Variants in LDLRAD4 observed in about 807,000 individuals in gnomAD.
LDLRAD4 encodes low density lipoprotein receptor class A domain containing 4, also known as low-density lipoprotein receptor class A domain-containing protein 4.
Under a neutral mutation model 17.0 loss-of-function variants are expected in LDLRAD4, and 5 were observed. The observed-to-expected ratio is 0.29, with a 90% CI of 0.15 to 0.62. LDLRAD4 has a LOEUF of 0.62. LDLRAD4 is among the 20% of genes least tolerant of loss of function. The probability of loss-of-function intolerance (pLI) is 0.84; values close to 1 mark genes in which losing one functional copy is unlikely to be tolerated. For synonymous variants in LDLRAD4, 168 were observed against 171.8 expected (o/e 0.98, Z 0.17); for missense variants, 340 against 424.7 (o/e 0.80, Z 1.75).
chr18:13,442,654 C>T (rs2091105830), intron 3 of LDLRAD4, among the ~76,000 whole-genome samples: 1 of 152,232 alleles, frequency 6.6e-6, no homozygotes, highest in Non-Finnish European at 1.5e-5. Flanking sequence ...CTTGGTGGAC[C>T]TGCCACCTCA....
chr18:13,315,783 T>TAAAA (rs78099800), intron 1 of LDLRAD4, among the ~76,000 whole-genome samples: 3 of 85,900 alleles, frequency 3.5e-5, no homozygotes, highest in African/African-American at 1.2e-4. Context: ...AAACTCCGTC[T>TAAAA]AAAAAAAAAA....
intron 1 of LDLRAD4, among the ~76,000 whole-genome samples, chr18:13,262,046 A>G (rs1250864026): frequency 9.2e-5 from 10 of 109,114 alleles, no homozygotes; most frequent in South Asian, 3.1e-4. Flanking sequence ...GTGCATGGAA[A>G]CTGAGTCCCG....
intron 1 of LDLRAD4, among the ~76,000 whole-genome samples, chr18:13,324,008 T>C (rs1301574251): frequency 6.6e-6 from 1 of 151,680 alleles, no homozygotes; most frequent in South Asian, 2.1e-4. Flanking sequence ...GAGGTTGCAG[T>C]GAGCCAAGAT....
intron 1 of LDLRAD4, among the ~76,000 whole-genome samples, chr18:13,370,689 G>A (rs2084398824): frequency 7.6e-6 from 1 of 131,238 alleles, no homozygotes; most frequent in African/African-American, 2.8e-5. Flanking sequence ...TGTAGGCAGT[G>A]TCTCTTTCAT....
intron 3 of LDLRAD4, among the ~76,000 whole-genome samples, chr18:13,556,037 A>G (rs986185966): frequency 1.3e-4 from 20 of 152,196 alleles, no homozygotes; most frequent in African/African-American, 4.8e-4. Context: ...TTCCTGCCCA[A>G]ACTACTCGGA....
chr18:13,348,241 T>G (rs1487998031), intron 1 of LDLRAD4, among the ~76,000 whole-genome samples: 3 of 152,170 alleles, frequency 2.0e-5, no homozygotes, highest in Non-Finnish European at 2.9e-5. Flanking sequence ...GACATACAAA[T>G]GGGGTTTTGG....
intron 3 of LDLRAD4, chr18:13,526,445 G>T (rs548861050): frequency 6.6e-6 from 1 of 152,192 alleles, no homozygotes; most frequent in Non-Finnish European, 1.5e-5. Context: ...CAAAAACAAA[G>T]CCAGAAGTAT....
intron 3 of LDLRAD4, among the ~76,000 whole-genome samples, chr18:13,495,396 A>C (rs191238650): frequency 6.6e-6 from 1 of 152,196 alleles, no homozygotes; most frequent in Non-Finnish European, 1.5e-5. Flanking sequence ...TTGTAAATGT[A>C]TCTCGTCTGT....
At chr18:13,626,573 G>A (rs1568426151) in intron 4 of LDLRAD4, among the ~76,000 whole-genome samples, 1 of 152,216 alleles carries the variant, frequency 6.6e-6, no homozygotes. Flanking sequence ...CAGCCATTTT[G>A]ACCTATAGAA....
intron 1 of LDLRAD4, among the ~76,000 whole-genome samples, chr18:13,287,614 C>A (rs1236053758): frequency 5.3e-5 from 8 of 152,196 alleles, no homozygotes; most frequent in African/African-American, 1.9e-4. Flanking sequence ...CCACTGTCTG[C>A]CCTCAGGTTA....
At chr18:13,558,914 C>CA (rs34714508) in intron 3 of LDLRAD4, among the ~76,000 whole-genome samples, 150,014 of 151,006 alleles carry the variant, frequency 0.99, 74,526 homozygotes, top group Middle Eastern at 1. Flanking sequence ...AGCAAGTCAT[C>CA]GGGGGCCACC....
intron 2 of LDLRAD4, among the ~76,000 whole-genome samples, chr18:13,433,404 CA>C: frequency 6.6e-6 from 1 of 152,200 alleles, no homozygotes; most frequent in Non-Finnish European, 1.5e-5. Flanking sequence ...TGCCAATTCA[CA>C]AAAAAGGCTG....
rs1418901683 is a variant in LDLRAD4 at position 13,300,994 on chromosome 18, G to A, written c.-383+22806G>A. The stretch of plus-strand genomic sequence containing the variant: ...CGCCCTGAGGAGCATGTGTGTCTCC[G>A]CACTATGCCCTCAGCGGCCGCTGGA... On this transcript the variant is annotated intron_variant, in intron 1 of 5. Coordinates refer to ENST00000359446, the Ensembl canonical transcript of LDLRAD4. The surrounding 1 kb of genome is among the most constrained non-coding windows in gnomAD (Gnocchi z 4.2). 6.6e-6 allele frequency among the ~76,000 whole-genome samples: 1 copy of A among 152,220 alleles called. No homozygotes were observed. The highest frequency in any genetic ancestry group is 6.5e-5 in the Admixed American group (1 of 15,284).
In LDLRAD4 at chr18:13,435,470, T is replaced by C. The variant is rs1029852483; in HGVS notation, c.41-2774T>C. ...TTTTAATTTTTAATTTTTTAGAGAC[T>C]GGATCTTGCTCTGTCACCTGGGCTT... On this transcript the variant is annotated intron_variant, in intron 2 of 5. Transcript: ENST00000359446. Among the ~76,000 whole-genome samples, 4 of 152,198 alleles carry C rather than the reference T, an allele frequency of 2.6e-5. No individual in the cohort carries two copies. In the South Asian group the frequency reaches 8.3e-4, roughly 32 times the overall value.
intron 3 of LDLRAD4, among the ~76,000 whole-genome samples, chr18:13,450,915 G>T (rs1185871326): frequency 7.9e-5 from 12 of 152,202 alleles, no homozygotes; most frequent in Admixed American, 6.5e-5. Context: ...AGCACCACTA[G>T]AAAGGTAGGT....
At chr18:13,265,483 A>G (rs1398425827) in intron 1 of LDLRAD4, among the ~76,000 whole-genome samples, 1 of 152,162 alleles carries the variant, frequency 6.6e-6, no homozygotes, top group East Asian at 1.9e-4. Flanking sequence ...TCAGCTGCCC[A>G]GGTGAGCCCT....
chr18:13,543,637 ACTTT>A (rs2094318139), intron 3 of LDLRAD4: 1 of 152,206 alleles, frequency 6.6e-6, no homozygotes, highest in Non-Finnish European at 1.5e-5. Context: ...TTGTACCTTC[ACTTT>A]CTTTGTCTGC....
intron 3 of LDLRAD4, among the ~76,000 whole-genome samples, chr18:13,444,110 A>G (rs2091226870): frequency 6.6e-6 from 1 of 152,236 alleles, no homozygotes; most frequent in Non-Finnish European, 1.5e-5. Flanking sequence ...TATATCATAT[A>G]GGATTTATTA....
At chr18:13,468,839 G>A (rs1343010748) in intron 3 of LDLRAD4, among the ~76,000 whole-genome samples, 7 of 136,858 alleles carry the variant, frequency 5.1e-5, no homozygotes, top group African/African-American at 2.8e-5. Flanking sequence ...ATCACACACC[G>A]GGGCCTGTTG....
Sources: allele counts gnomAD v4.1 joint callset (sites outside exome capture counted in the v4.1 genomes callset), GRCh38; gene constraint gnomAD v4.1.1; non-coding constraint Gnocchi (gnomAD v3.1); transcripts MANE v1.5; gene names NCBI Gene and HGNC (gene_info 2026-07-23, HGNC 2026-07-21).